DST: variants seen among roughly 807,000 people sequenced by gnomAD.
DST encodes the protein bullous pemphigoid antigen.
In DST, 253 loss-of-function variants were observed where a neutral mutation model predicts 875.2. The ratio of observed to expected loss-of-function variants is 0.29; its 90% confidence interval spans 0.26 to 0.32. The LOEUF (loss-of-function observed/expected upper bound fraction) is 0.32, where lower values mean the gene tolerates loss of function less well. Ranked by LOEUF, DST falls within the 10% of genes least tolerant of loss-of-function variation. The pLI, the probability that DST is intolerant of heterozygous loss-of-function variation, is 1.00. For missense variants in DST, 8,287 were observed against 9,111.6 expected, an observed-to-expected ratio of 0.91 and a Z score of 3.68; for synonymous variants, 3,124 against 3,197.1, an observed-to-expected ratio of 0.98 and a Z score of 0.77.
chr6:56,466,222 C>A, intron 98 of DST, 27 bp from the exon 99 acceptor site: 1 of 1,464,266 alleles, frequency 6.8e-7, no homozygotes, highest in Non-Finnish European at 9.2e-7. Context: ...GAAAGAACCT[C>A]TAGTTGTCAA....
chr6:56,865,299 GTA>G (rs1161611237), intron 3 of DST, among the ~76,000 whole-genome samples: 2 of 150,592 alleles, frequency 1.3e-5, no homozygotes, highest in African/African-American at 2.4e-5. Flanking sequence ...GTGTGTGTCT[GTA>G]TGTGTGTGTG....
intron 3 of DST, chr6:56,863,185 G>T (rs1772193947): frequency 6.6e-6 from 1 of 152,196 alleles, no homozygotes; most frequent in South Asian, 2.1e-4. Context: ...TGGTAATGAA[G>T]TGTTATGGAG....
rs143512620 is a variant in DST at position 56,679,880 on chromosome 6, G to A, written c.1048-9073C>T. Among the ~76,000 whole-genome samples, 673 of 152,142 alleles carry A rather than the reference G, an allele frequency of 4.4e-3. 1 individual carries two copies. The highest frequency in any genetic ancestry group is 0.016 in the African/African-American group (645 of 41,510). On this transcript the variant is annotated intron_variant, in intron 9 of 103. Coordinates refer to ENST00000680361, the MANE Select transcript of DST (RefSeq NM_001374736.1). ...CCTCTCCTCCTTTATTGAGAAAATAGCTACATAAGTAAGAACCCCCTTCTG... is the reference window on the plus strand; with the variant it reads ...CCTCTCCTCCTTTATTGAGAAAATAACTACATAAGTAAGAACCCCCTTCTG...
Position 56,617,889 on chromosome 6 carries a change from T to C in DST, c.4930-3405A>G, listed in dbSNP as rs1319605568. 4 of 1,038,600 alleles carry C rather than the reference T, an allele frequency of 3.9e-6. No homozygotes were observed. The East Asian group carries it at 9.5e-5, about 25-fold the overall frequency. 64.3% of individuals were successfully genotyped at this position (1,038,600 alleles called of 1,614,324 possible). A position where few individuals can be genotyped will look rare whatever the true frequency, so the allele number is the denominator to read the frequency against. ...CAGAACTACAATGAGCCAATCACAT[T>C]CAAAATTGTTTTAAAAATTTAGTCT... On this transcript the variant is annotated intron_variant, in intron 36 of 103. Transcript: ENST00000680361.
At chr6:56,615,793 A>C (rs1300980249) in intron 36 of DST, 3 of 1,614,062 alleles carry the variant, frequency 1.9e-6, no homozygotes, top group Non-Finnish European at 2.5e-6. Flanking sequence ...TCAAGTACTG[A>C]AATTCCAAAC....
intron 3 of DST, among the ~76,000 whole-genome samples, chr6:56,897,744 A>C (rs2127682804): frequency 6.6e-6 from 1 of 152,162 alleles, no homozygotes; most frequent in African/African-American, 2.4e-5. Context: ...GCATCACCCA[A>C]GTTCCTTTGC....
At position 56,640,384 on chromosome 6, in the gene DST, A is replaced by T; in HGVS notation, c.2249T>A (p.Leu750Gln). ...SLTSSSMTSG[L>Q]SSGMTSRLTP... ...CAGGCGGGAAGTCATCCCTGATGACAGGCCAGAAGTCATACTAGAAGAGGT... is the reference window on the plus strand; with the variant it reads ...CAGGCGGGAAGTCATCCCTGATGACTGGCCAGAAGTCATACTAGAAGAGGT... The change falls in exon 18 of 104, where the codon CTG (leucine) becomes CAG (glutamine). Residue 750 changes from leucine to glutamine, a missense_variant. Transcript: ENST00000680361. 1 of 1,614,184 alleles carries T rather than the reference A, an allele frequency of 6.2e-7. No individual in the cohort carries two copies. Among genetic ancestry groups the T allele is most frequent in the Non-Finnish European group, 8.5e-7 (1 of 1,179,996 alleles).
chr6:56,591,393 G>A (rs942990706), intron 49 of DST, among the ~76,000 whole-genome samples: 9 of 152,150 alleles, frequency 5.9e-5, no homozygotes, highest in African/African-American at 1.9e-4. Context: ...TAGAACCGCT[G>A]AATATGATGG....
chr6:56,906,580 T>C (rs576811039), intron 2 of DST, among the ~76,000 whole-genome samples: 45 of 152,190 alleles, frequency 3.0e-4, no homozygotes, highest in African/African-American at 1.1e-3. Context: ...TATGTAGACG[T>C]CACACCTGAT....
At chr6:56,830,792 A>G (rs1214994963) in intron 4 of DST, among the ~76,000 whole-genome samples, 3 of 152,252 alleles carry the variant, frequency 2.0e-5, no homozygotes, top group Non-Finnish European at 2.9e-5. Context: ...TAATTCCAGA[A>G]CAACAGCAAT....
At chr6:56,495,700 T>C (rs1267398039) in intron 82 of DST, among the ~76,000 whole-genome samples, 3 of 151,930 alleles carry the variant, frequency 2.0e-5, no homozygotes, top group Admixed American at 2.0e-4. Flanking sequence ...AACAAATAGG[T>C]CTCCTGTGGC....
chr6:56,501,240 A>G lies in DST; in HGVS notation c.19741-5T>C, dbSNP rs2096110844. On this transcript the variant is annotated splice_region_variant and splice_polypyrimidine_tract_variant and intron_variant, in intron 79 of 103. Transcript: ENST00000680361. ...TAGAGCACCCTCCAGTTTATGCTAC[A>G]GAAAAAGTGGAAAGAAAATCCATTT... 1 of 1,573,734 alleles carries G rather than the reference A, an allele frequency of 6.4e-7. No homozygotes were observed. Among genetic ancestry groups the G allele is most frequent in the Middle Eastern group, 1.7e-4 (1 of 5,942 alleles).
In DST at chr6:56,608,288, C is replaced by T. The variant is rs369009911; in HGVS notation, c.6340G>A (p.Glu2114Lys). 1.2e-4 allele frequency: 189 copies of T among 1,613,532 alleles called. No homozygotes were observed. Among genetic ancestry groups the T allele is most frequent in the Admixed American group, 1.3e-4 (8 of 59,974 alleles). Reference sequence around the variant, plus strand: ...TCCAAACCAATGACTTGAGAACTTTCTGGAATATAAAGAGCAGCTATTTTT... The same window carrying T: ...TCCAAACCAATGACTTGAGAACTTTTTGGAATATAAAGAGCAGCTATTTTT... ...RQKIAALYIP[E>K]SSQVIGLDAA... The change falls in exon 40 of 104, where the codon GAA (glutamate) becomes AAA (lysine). Residue 2114 changes from glutamate to lysine, a missense_variant. Transcript: ENST00000680361.
At position 56,564,242 on chromosome 6, in the gene DST, C is replaced by T. The variant is rs143967206; in HGVS notation, c.14006-2042G>A. Among the ~76,000 whole-genome samples, 656 of 152,232 alleles carry T rather than the reference C, an allele frequency of 4.3e-3. 2 individuals are homozygous for T. Among genetic ancestry groups the T allele is most frequent in the Middle Eastern group, 0.01 (3 of 294 alleles). On this transcript the variant is annotated intron_variant, in intron 55 of 103. Transcript: ENST00000680361. ...GTTTTTCTATTTGTTTGTATCCTCTCTTATTTCCTTGAGCAGTGGTTTGTA... is the reference window on the plus strand; with the variant it reads ...GTTTTTCTATTTGTTTGTATCCTCTTTTATTTCCTTGAGCAGTGGTTTGTA...
chr6:56,525,309 T>C (rs2096778107), intron 69 of DST, among the ~76,000 whole-genome samples: 1 of 152,118 alleles, frequency 6.6e-6, no homozygotes, highest in Non-Finnish European at 1.5e-5. Flanking sequence ...AAATGAGGCA[T>C]ACAAACTCCT....
intron 3 of DST, chr6:56,871,258 G>A (rs192433188): frequency 1.5e-5 from 12 of 775,730 alleles, no homozygotes; most frequent in Middle Eastern, 3.6e-4. Flanking sequence ...TCAAATCTTC[G>A]TGTTCACTTT....
At chr6:56,624,792 A>G (rs1488444902) in intron 35 of DST, among the ~76,000 whole-genome samples, 164 bp from the exon 36 acceptor site, 1 of 152,152 alleles carries the variant, frequency 6.6e-6, no homozygotes, top group Non-Finnish European at 1.5e-5. Flanking sequence ...TATTATGCAA[A>G]TCATGGCAAA....
chr6:56,498,711 C>T (rs1394709390), intron 80 of DST, among the ~76,000 whole-genome samples: 2 of 152,078 alleles, frequency 1.3e-5, no homozygotes, highest in African/African-American at 4.8e-5. Context: ...ATTTTACAAT[C>T]AGCATTCTGA....
At chr6:56,622,809 T>A (rs2098702594) in intron 36 of DST, among the ~76,000 whole-genome samples, 1 of 152,202 alleles carries the variant, frequency 6.6e-6, no homozygotes, top group Non-Finnish European at 1.5e-5. Flanking sequence ...AGCATCTCTC[T>A]CTAATATCTA....
Sources: gnomAD v4.1 joint callset for allele counts (sites outside exome capture counted in the v4.1 genomes callset) on GRCh38, gnomAD v4.1.1 for gene constraint, MANE v1.5 for transcripts, NCBI Gene and HGNC (gene_info 2026-07-23, HGNC 2026-07-21) for gene names.